Variants in DLG2 observed in about 807,000 individuals in gnomAD.
DLG2 encodes discs large MAGUK scaffold protein 2.
A neutral mutation model predicts 132.5 loss-of-function variants in DLG2; 45 were observed. That is an observed-to-expected ratio of 0.34 (90% CI 0.27 to 0.44). The LOEUF (loss-of-function observed/expected upper bound fraction) is 0.44. Ranked by LOEUF, DLG2 falls within the 20% of genes least tolerant of loss-of-function variation. The probability of loss-of-function intolerance (pLI) is 1.00; values close to 1 mark genes in which losing one functional copy is unlikely to be tolerated. For missense variants in DLG2, 1,045 were observed against 1,196.9 expected (o/e 0.87, Z 1.87); for synonymous variants, 424 against 419.6 (o/e 1.01, Z -0.13).
intron 18 of DLG2, among the ~76,000 whole-genome samples, chr11:83,698,847 G>C (rs191675885): frequency 1.8e-4 from 28 of 152,204 alleles, no homozygotes; most frequent in African/African-American, 5.8e-4. Context: ...CAGGGTCTGC[G>C]GCCAAGAGTT....
chr11:85,563,112 G>A (rs2077344856), intron 3 of DLG2, among the ~76,000 whole-genome samples: 1 of 151,694 alleles, frequency 6.6e-6, no homozygotes, highest in African/African-American at 2.4e-5. Flanking sequence ...GAGTCAGATA[G>A]GCATGAGTTT....
chr11:83,518,833 A>ACGAT (rs2095386165), intron 21 of DLG2, among the ~76,000 whole-genome samples: 1 of 152,180 alleles, frequency 6.6e-6, no homozygotes, highest in South Asian at 2.1e-4. Context: ...ATGAGAATTA[A>ACGAT]CGATAAATAA....
At chr11:85,348,808 C>A (rs1278317660) in intron 3 of DLG2, among the ~76,000 whole-genome samples, 1 of 152,128 alleles carries the variant, frequency 6.6e-6, no homozygotes, top group Non-Finnish European at 1.5e-5. Context: ...AAGCATCTCT[C>A]CAGTCATCCC....
chr11:85,214,544 C>G (rs761600058), intron 4 of DLG2, among the ~76,000 whole-genome samples: 6 of 152,260 alleles, frequency 3.9e-5, no homozygotes, highest in Non-Finnish European at 7.4e-5. Context: ...TCTGACACTA[C>G]TCTCACACTT....
chr11:85,087,494 C>T (rs2068086602), intron 6 of DLG2, among the ~76,000 whole-genome samples: 1 of 152,180 alleles, frequency 6.6e-6, no homozygotes, highest in South Asian at 2.1e-4. Flanking sequence ...AACCATGTGG[C>T]TAAACCAAAG....
chr11:83,790,499 T>C (rs2041240651), intron 17 of DLG2: 5 of 1,253,458 alleles, frequency 4.0e-6, no homozygotes, highest in Admixed American at 1.7e-5. Context: ...TACTTTGCAC[T>C]GAGACATAAA....
intron 18 of DLG2, among the ~76,000 whole-genome samples, chr11:83,696,145 G>C (rs966729470): frequency 1.3e-5 from 2 of 152,170 alleles, no homozygotes; most frequent in Admixed American, 6.5e-5. Context: ...GGAGCATAGA[G>C]AACAGTTAGG....
intron 7 of DLG2, among the ~76,000 whole-genome samples, chr11:84,497,172 T>C (rs1258604971): frequency 6.6e-6 from 1 of 152,184 alleles, no homozygotes; most frequent in Non-Finnish European, 1.5e-5. Flanking sequence ...GATGTTCAAT[T>C]AATATTAGTG....
At chr11:84,821,339 G>C (rs1255791234) in intron 6 of DLG2, among the ~76,000 whole-genome samples, 1 of 151,626 alleles carries the variant, frequency 6.6e-6, no homozygotes, top group Non-Finnish European at 1.5e-5. Flanking sequence ...AAACAGTTTA[G>C]GCTTTCTGGG....
chr11:83,782,180 C>T (rs1392215715), intron 18 of DLG2, among the ~76,000 whole-genome samples: 3 of 152,148 alleles, frequency 2.0e-5, no homozygotes, highest in Admixed American at 2.0e-4. Context: ...GATTCAATTA[C>T]CATCTCTGAA....
chr11:83,932,401 AT>A (rs111701510), intron 14 of DLG2, among the ~76,000 whole-genome samples: 11,611 of 151,862 alleles, frequency 0.076, 1,397 homozygotes, highest in African/African-American at 0.26. Flanking sequence ...CGCCCGGCTA[AT>A]TTTTTGTATT....
At chr11:84,394,567 TC>T (rs2154443241) in intron 7 of DLG2, among the ~76,000 whole-genome samples, 2 of 152,254 alleles carry the variant, frequency 1.3e-5, no homozygotes, top group South Asian at 4.1e-4. Context: ...TTCTTGTTTC[TC>T]CTTGAATCTC....
chr11:84,976,225 T>C (rs916575952), intron 6 of DLG2, among the ~76,000 whole-genome samples: 4 of 152,144 alleles, frequency 2.6e-5, no homozygotes, highest in Non-Finnish European at 5.9e-5. Context: ...TTACATGGTA[T>C]ACAATGGGAA....
intron 7 of DLG2, among the ~76,000 whole-genome samples, chr11:84,418,035 C>T (rs1037184823): frequency 6.6e-6 from 1 of 152,138 alleles, no homozygotes; most frequent in Non-Finnish European, 1.5e-5. Context: ...ACTCAATGTC[C>T]AAGTTTCTTA....
At chr11:84,242,156 A>C (rs1358444972) in intron 8 of DLG2, among the ~76,000 whole-genome samples, 1 of 152,198 alleles carries the variant, frequency 6.6e-6, no homozygotes, top group Non-Finnish European at 1.5e-5. Context: ...TAACAGTCAC[A>C]TTCTTCACTT....
intron 6 of DLG2, among the ~76,000 whole-genome samples, chr11:84,993,794 T>C (rs1324647733): frequency 6.6e-6 from 1 of 152,200 alleles, no homozygotes; most frequent in Non-Finnish European, 1.5e-5. Flanking sequence ...TTTACAGGAC[T>C]CAGCAGGAAG....
At chr11:83,632,143 A>G (rs1484527406) in intron 19 of DLG2, 1 of 152,238 alleles carries the variant, frequency 6.6e-6, no homozygotes, top group Non-Finnish European at 1.5e-5. Flanking sequence ...ATTAAGCCCT[A>G]TGAGAACCTG....
intron 18 of DLG2, among the ~76,000 whole-genome samples, chr11:83,742,839 C>T (rs2092632586): frequency 6.6e-6 from 1 of 152,042 alleles, no homozygotes; most frequent in Non-Finnish European, 1.5e-5. Context: ...TACCATTGGA[C>T]CATAAAATTC....
intron 3 of DLG2, among the ~76,000 whole-genome samples, chr11:85,386,463 A>AT (rs922997892): frequency 1.4e-4 from 21 of 151,968 alleles, no homozygotes; most frequent in Admixed American, 5.2e-4. Context: ...TGCTTTTCTG[A>AT]TTTTTTTTCT....
Sources: allele counts gnomAD v4.1 joint callset (sites outside exome capture counted in the v4.1 genomes callset), GRCh38; gene constraint gnomAD v4.1.1; transcripts MANE v1.5; gene names NCBI Gene and HGNC (gene_info 2026-07-23, HGNC 2026-07-21).